The following SLC2A13 variants were observed in gnomAD, a reference collection of about 807,000 sequenced individuals.
SLC2A13 encodes proton myo-inositol cotransporter.
A neutral mutation model predicts 64.4 loss-of-function variants in SLC2A13; 32 were observed. The observed-to-expected ratio is 0.50, with a 90% confidence interval of 0.37 to 0.67. The LOEUF is 0.67. SLC2A13 is among the 30% of genes least tolerant of loss of function. The probability of loss-of-function intolerance (pLI) is 0.00; values close to 1 mark genes in which losing one functional copy is unlikely to be tolerated. For missense variants in SLC2A13, 743 were observed against 829.2 expected (o/e 0.90, Z 1.28); for synonymous variants, 338 against 327.1 (o/e 1.03, Z -0.36).
intron 4 of SLC2A13, among the ~76,000 whole-genome samples, chr12:39,918,022 T>C (rs1945549225): frequency 6.6e-6 from 1 of 152,126 alleles, no homozygotes; most frequent in South Asian, 2.1e-4. Context: ...TGAGGAAATG[T>C]GCATACAAAC....
intron 4 of SLC2A13, among the ~76,000 whole-genome samples, chr12:39,899,701 AAAG>A (rs552385239): frequency 0.012 from 1,785 of 152,206 alleles, 21 homozygotes; most frequent in Middle Eastern, 0.031. Context: ...CGTTGGTTTC[AAAG>A]AACATCTTTA....
rs1367358553 is a variant in SLC2A13 at position 40,079,083 on chromosome 12, G to C, written c.556+26170C>G. On this transcript the variant is annotated intron_variant, in intron 1 of 9. Coordinates refer to ENST00000280871, the MANE Select transcript of SLC2A13 (RefSeq NM_052885.4). The stretch of plus-strand genomic sequence containing the variant: ...CATTCTTTCGAAGAACCAACTTTTG[G>C]TTTCATCAATCTTTTATATGAATTT... 2.0e-5 allele frequency among the ~76,000 whole-genome samples: 3 copies of C among 152,002 alleles called. No individual in the cohort carries two copies. The East Asian group carries it at 5.8e-4, about 29-fold the overall frequency.
At chr12:39,948,838 T>A (rs982704830) in intron 4 of SLC2A13, among the ~76,000 whole-genome samples, 1 of 152,154 alleles carries the variant, frequency 6.6e-6, no homozygotes, top group Non-Finnish European at 1.5e-5. Context: ...ATAGAAAAGA[T>A]ATTCTGAATT....
intron 7 of SLC2A13, among the ~76,000 whole-genome samples, chr12:39,774,522 T>C (rs1241734028): frequency 1.3e-5 from 2 of 151,808 alleles, no homozygotes; most frequent in Non-Finnish European, 2.9e-5. Context: ...TATGGTTTCC[T>C]AGCTTGCAGT....
At chr12:39,933,610 T>A (rs758846063) in intron 4 of SLC2A13, among the ~76,000 whole-genome samples, 11 of 152,184 alleles carry the variant, frequency 7.2e-5, no homozygotes, top group Admixed American at 3.9e-4. Flanking sequence ...CATTATTTCG[T>A]CTGAAAATTT....
At chr12:39,967,271 T>A (rs1433202156) in intron 3 of SLC2A13, among the ~76,000 whole-genome samples, 2 of 152,222 alleles carry the variant, frequency 1.3e-5, no homozygotes, top group African/African-American at 4.8e-5. Context: ...AGCATTATAT[T>A]CATTAGCAAA....
At chr12:39,838,931 G>A (rs905628868) in intron 6 of SLC2A13, among the ~76,000 whole-genome samples, 1 of 152,072 alleles carries the variant, frequency 6.6e-6, no homozygotes, top group Admixed American at 6.6e-5. Context: ...TCTCTAGAAT[G>A]CCCTAAATTT....
intron 1 of SLC2A13, chr12:40,068,179 G>C (rs998357998): frequency 1.3e-5 from 3 of 238,786 alleles, no homozygotes; most frequent in Non-Finnish European, 2.5e-5. Context: ...CAAAGTGCTG[G>C]GATTAGGGAT....
chr12:39,940,727 T>G (rs1045957350), intron 4 of SLC2A13, among the ~76,000 whole-genome samples: 1 of 152,138 alleles, frequency 6.6e-6, no homozygotes. Flanking sequence ...TATTCGTTTT[T>G]CTATACATTA....
At chr12:40,079,140 ATT>A (rs1938295044) in intron 1 of SLC2A13, among the ~76,000 whole-genome samples, 1 of 152,046 alleles carries the variant, frequency 6.6e-6, no homozygotes, top group African/African-American at 2.4e-5. Context: ...TTCAGCTCAG[ATT>A]TTTGTTATTT....
At chr12:39,975,468 A>G (rs1946742474) in intron 3 of SLC2A13, among the ~76,000 whole-genome samples, 1 of 152,224 alleles carries the variant, frequency 6.6e-6, no homozygotes, top group Non-Finnish European at 1.5e-5. Flanking sequence ...TGACTTAGAC[A>G]ATGCCTAAAT....
intron 7 of SLC2A13, among the ~76,000 whole-genome samples, chr12:39,825,311 A>AT (rs1256360371): frequency 1.3e-5 from 2 of 152,136 alleles, no homozygotes; most frequent in Non-Finnish European, 2.9e-5. Flanking sequence ...ACACAGATAA[A>AT]TACAGAAAAA....
intron 6 of SLC2A13, among the ~76,000 whole-genome samples, chr12:39,831,828 A>G (rs779748659): frequency 1.3e-5 from 2 of 152,058 alleles, no homozygotes; most frequent in African/African-American, 2.4e-5. Context: ...GCCTTCTACC[A>G]TAAGCTTCCT....
chr12:39,908,517 T>C (rs1281347532), intron 4 of SLC2A13, among the ~76,000 whole-genome samples: 3 of 151,294 alleles, frequency 2.0e-5, no homozygotes, highest in Admixed American at 1.3e-4. Flanking sequence ...GCTGAAGCAA[T>C]AGATTGTGTT....
intron 7 of SLC2A13, among the ~76,000 whole-genome samples, chr12:39,780,050 GA>G: frequency 6.6e-6 from 1 of 152,318 alleles, no homozygotes; most frequent in East Asian, 1.9e-4. Flanking sequence ...TTCCCAACAG[GA>G]ATGTCCTTGA....
At chr12:39,854,702 TC>T (rs1478507392) in intron 6 of SLC2A13, among the ~76,000 whole-genome samples, 1 of 152,190 alleles carries the variant, frequency 6.6e-6, no homozygotes, top group Non-Finnish European at 1.5e-5. Context: ...TTGACTGGCT[TC>T]CCTTCCTCAC....
At chr12:39,975,187 G>T (rs1946738369) in intron 3 of SLC2A13, among the ~76,000 whole-genome samples, 6 of 152,086 alleles carry the variant, frequency 3.9e-5, no homozygotes, top group Non-Finnish European at 8.8e-5. Context: ...ATTTCACTCA[G>T]ACAAAATGTA....
At chr12:39,840,509 C>G (rs557900479) in intron 6 of SLC2A13, among the ~76,000 whole-genome samples, 63 of 152,042 alleles carry the variant, frequency 4.1e-4, no homozygotes, top group African/African-American at 1.5e-3. Context: ...CCATAGGTGC[C>G]GTGGGTGCTA....
rs1415981200 is a variant in SLC2A13 at position 40,105,291 on chromosome 12, G to A, written c.518C>T (p.Thr173Ile). The change falls in exon 1 of 10, where the codon ACA becomes ATA. Residue 173 changes from threonine to isoleucine, a missense_variant. By Grantham distance (89) the Thr-to-Ile change is moderately conservative (BLOSUM62 -1). This residue lies in a region of SLC2A13 where 448 missense variants were observed against 447.4 expected (regional missense o/e 1.00). Coordinates refer to ENST00000280871, the MANE Select transcript of SLC2A13 (RefSeq NM_052885.4). The surrounding 1 kb of genome is among the most constrained non-coding windows in gnomAD (Gnocchi z 4.2). ...CACGACCAGGCGGCCGGCGAGCAGT[G>A]TCTCCTTGTTGTTGGCCGCAGCCAG... Reference protein sequence around the residue: ...AVLAAANNKETLLAGRLVVGL... With the variant: ...AVLAAANNKEILLAGRLVVGL... The A allele has an allele frequency of 3.1e-6, 5 of 1,601,660 alleles. No homozygotes were observed. The East Asian group carries it at 1.1e-4, about 36-fold the overall frequency.
Sources: gnomAD v4.1 joint callset for allele counts (sites outside exome capture counted in the v4.1 genomes callset) on GRCh38, gnomAD v4.1.1 for gene constraint, gnomAD v4.1.1 regional missense constraint, Gnocchi (gnomAD v3.1) non-coding constraint, MANE v1.5 for transcripts, NCBI Gene and HGNC (gene_info 2026-07-23, HGNC 2026-07-21) for gene names.